The following WDR70 variants were observed in gnomAD, a reference collection of about 807,000 sequenced individuals.
WDR70 encodes WD repeat-containing protein 70.
A neutral mutation model predicts 88.6 loss-of-function variants in WDR70; 53 were observed. The observed-to-expected ratio is 0.60, with a 90% CI of 0.48 to 0.75. The LOEUF is 0.75. Among genes scored for constraint, WDR70 ranks in the 30% least tolerant of loss-of-function variants. WDR70 has a pLI of 0.00. For missense variants in WDR70, 610 were observed against 823.2 expected (o/e 0.74, Z 3.17); for synonymous variants, 280 against 270.0 (o/e 1.04, Z -0.36).
intron 9 of WDR70, among the ~76,000 whole-genome samples, chr5:37,564,827 A>G (rs1353252210): frequency 1.3e-5 from 2 of 152,226 alleles, no homozygotes; most frequent in African/African-American, 4.8e-5. Context: ...GTTTTCACTT[A>G]CAGCCTTTTT....
At chr5:37,514,057 T>C (rs1384944280) in intron 8 of WDR70, among the ~76,000 whole-genome samples, 1 of 151,962 alleles carries the variant, frequency 6.6e-6, no homozygotes, top group East Asian at 1.9e-4. Flanking sequence ...CCCTGTCACC[T>C]AGGCTGGAGT....
At chr5:37,466,396 G>A (rs1739149700) in intron 7 of WDR70, among the ~76,000 whole-genome samples, 1 of 152,234 alleles carries the variant, frequency 6.6e-6, no homozygotes, top group Non-Finnish European at 1.5e-5. Flanking sequence ...AGCCACATGT[G>A]GTTATTTAAA....
intron 10 of WDR70, among the ~76,000 whole-genome samples, chr5:37,680,510 T>C (rs552116051): frequency 5.3e-5 from 8 of 152,212 alleles, no homozygotes; most frequent in Non-Finnish European, 1.2e-4. Flanking sequence ...TAGGTTTTCT[T>C]CTAGGATTTT....
intron 9 of WDR70, among the ~76,000 whole-genome samples, chr5:37,563,016 A>G (rs1409869177): frequency 7.9e-6 from 1 of 125,824 alleles, no homozygotes; most frequent in Admixed American, 8.4e-5. Context: ...ACTTCCCAGT[A>G]GGGGCGGCCG....
intron 10 of WDR70, among the ~76,000 whole-genome samples, chr5:37,696,374 TTACTGGATTTTTTTAG>T (rs1406070311): frequency 6.6e-6 from 1 of 152,190 alleles, no homozygotes; most frequent in African/African-American, 2.4e-5. Flanking sequence ...GGTGTACTCA[TTACTGGATTTTTTTAG>T]GTGTAAGCCC....
At chr5:37,665,631 C>T (rs1042052709) in intron 10 of WDR70, among the ~76,000 whole-genome samples, 1 of 152,192 alleles carries the variant, frequency 6.6e-6, no homozygotes, top group Admixed American at 6.5e-5. Context: ...CATTTTGATG[C>T]TTGACCTTGA....
At chr5:37,686,630 G>A (rs531577037) in intron 10 of WDR70, among the ~76,000 whole-genome samples, 182 of 152,164 alleles carry the variant, frequency 1.2e-3, no homozygotes, top group African/African-American at 4.0e-3. Context: ...CCCAGTACTT[G>A]GGAGGCTGAG....
At position 37,641,518 on chromosome 5, in the gene WDR70, G is replaced by A. The variant is rs764575850; in HGVS notation, c.1092+36280G>A. On this transcript the variant is annotated intron_variant, in intron 10 of 17. Transcript: ENST00000265107. ...TGCAACCTCTGCCTCATGGGTTCAA[G>A]TGATTATCCTGCCTCAGCCTCCCGA... Among the ~76,000 whole-genome samples the A allele has an allele frequency of 3.4e-5, 5 of 148,338 alleles. No homozygotes were observed. In the South Asian group the frequency reaches 6.4e-4, roughly 19 times the overall value.
chr5:37,463,121 A>G (rs1368194446), intron 7 of WDR70, among the ~76,000 whole-genome samples: 2 of 152,040 alleles, frequency 1.3e-5, no homozygotes, highest in African/African-American at 4.8e-5. Context: ...AAAATACAAA[A>G]ATTAGCCCAG....
At chr5:37,472,728 G>T (rs184619855) in intron 7 of WDR70, among the ~76,000 whole-genome samples, 21 of 152,034 alleles carry the variant, frequency 1.4e-4, no homozygotes, top group Non-Finnish European at 2.6e-4. Context: ...CAAACTCCTG[G>T]CCTCAAGTGA....
At chr5:37,399,833 G>C (rs1749141363) in intron 5 of WDR70, among the ~76,000 whole-genome samples, 1 of 152,284 alleles carries the variant, frequency 6.6e-6, no homozygotes, top group African/African-American at 2.4e-5. Context: ...GTAGAGACCC[G>C]AGTAGGTGAG....
chr5:37,521,192 A>G (rs1741073629), intron 9 of WDR70, among the ~76,000 whole-genome samples: 1 of 152,254 alleles, frequency 6.6e-6, no homozygotes, highest in African/African-American at 2.4e-5. Context: ...GCACTACAGC[A>G]GCCTTTCCCA....
chr5:37,630,299 G>A (rs371313002), intron 10 of WDR70, among the ~76,000 whole-genome samples: 55 of 152,316 alleles, frequency 3.6e-4, no homozygotes, highest in Middle Eastern at 3.4e-3. Flanking sequence ...TCATAGGGCT[G>A]TTTCTCAGCC....
intron 9 of WDR70, among the ~76,000 whole-genome samples, chr5:37,530,538 A>G (rs574456345): frequency 6.7e-4 from 101 of 151,830 alleles, no homozygotes; most frequent in South Asian, 6.4e-3. Flanking sequence ...TGGGAGGGTT[A>G]TATATTTGGA....
intron 10 of WDR70, among the ~76,000 whole-genome samples, chr5:37,637,686 C>T (rs1435639380): frequency 6.6e-6 from 1 of 152,162 alleles, no homozygotes; most frequent in African/African-American, 2.4e-5. Flanking sequence ...GAGTCACCAC[C>T]TGGAAGACAA....
intron 10 of WDR70, among the ~76,000 whole-genome samples, chr5:37,678,676 A>T (rs1272605866): frequency 1.3e-5 from 2 of 151,930 alleles, no homozygotes; most frequent in Admixed American, 6.5e-5. Flanking sequence ...TTTTTCCTTC[A>T]TTTCAACATT....
At chr5:37,708,671 A>G (rs1300617841) in intron 13 of WDR70, among the ~76,000 whole-genome samples, 3 of 152,184 alleles carry the variant, frequency 2.0e-5, no homozygotes, top group African/African-American at 7.2e-5. Flanking sequence ...ATTTATCTTA[A>G]TTTATAATGT....
At chr5:37,390,379 G>A (rs901097076) in intron 3 of WDR70, among the ~76,000 whole-genome samples, 8 of 144,112 alleles carry the variant, frequency 5.6e-5, no homozygotes, top group East Asian at 2.0e-4. Context: ...TCACTCAGTC[G>A]CCCAGGCTAG....
intron 7 of WDR70, among the ~76,000 whole-genome samples, chr5:37,464,548 A>G (rs1739101255): frequency 6.6e-6 from 1 of 152,208 alleles, no homozygotes; most frequent in African/African-American, 2.4e-5. Flanking sequence ...GAATATAAGA[A>G]TAACAGATAA....
Sources: allele counts gnomAD v4.1 joint callset (sites outside exome capture counted in the v4.1 genomes callset), GRCh38; gene constraint gnomAD v4.1.1; transcripts MANE v1.5; gene names NCBI Gene and HGNC (gene_info 2026-07-23, HGNC 2026-07-21).